Variants in KCNH7 observed in about 807,000 individuals in gnomAD.
The protein encoded by KCNH7 is potassium voltage-gated channel subfamily H member 7.
KCNH7 carries 49 observed loss-of-function variants against 120.8 expected under a neutral mutation model. That is an observed-to-expected ratio of 0.41 (90% CI 0.32 to 0.51). The LOEUF (loss-of-function observed/expected upper bound fraction) is 0.51, where lower values mean the gene tolerates loss of function less well. Among genes scored for constraint, KCNH7 ranks in the 20% least tolerant of loss-of-function variants. The pLI, the probability that KCNH7 is intolerant of heterozygous loss-of-function variation, is 0.38. For missense variants in KCNH7, 1,097 were observed against 1,446.6 expected, an observed-to-expected ratio of 0.76 and a Z score of 3.92; for synonymous variants, 547 against 516.1, an observed-to-expected ratio of 1.06 and a Z score of -0.81.
intron 6 of KCNH7, among the ~76,000 whole-genome samples, chr2:162,466,911 C>T (rs1407588652): frequency 6.6e-6 from 1 of 152,166 alleles, no homozygotes; most frequent in Non-Finnish European, 1.5e-5. Context: ...GAAAGACTCA[C>T]TTAAAAATGA....
Position 162,838,546 on chromosome 2 carries a change from C to T in KCNH7, c.-28G>A, listed in dbSNP as rs1198937109. 1 of 1,587,788 alleles carries T rather than the reference C, an allele frequency of 6.3e-7. No homozygotes were observed. On this transcript the variant is annotated 5_prime_UTR_variant, in exon 1 of 16. Transcript: ENST00000332142. Reference sequence around the variant, plus strand: ...TGGCCCCGGTCTTCCGAGGAGCGCTCCCCCGGAGCTCTGGAGTTCTCCCGG... The same window carrying T: ...TGGCCCCGGTCTTCCGAGGAGCGCTTCCCCGGAGCTCTGGAGTTCTCCCGG...
rs767561720 is a variant in KCNH7, at chr2:162,517,824, G to A, written c.798C>T (p.Ser266=). 1 of 1,612,278 alleles carries A rather than the reference G, an allele frequency of 6.2e-7. No homozygotes were observed. The highest frequency in any genetic ancestry group is 8.5e-7 in the Non-Finnish European group (1 of 1,178,844). The change falls in exon 4 of 16, where the codon AGC becomes AGT. Residue 266 remains serine, a synonymous_variant. Transcript: ENST00000332142. ...SQLSHSRSRE[S]LCSIRRASSV... ...AAGATGCTCTCCGTATACTACATAA[G>A]CTTTCCCTTGATCTGGAATGGGACA...
chr2:162,397,566 C>G (rs538575092), intron 10 of KCNH7, among the ~76,000 whole-genome samples: 9 of 151,900 alleles, frequency 5.9e-5, no homozygotes, highest in African/African-American at 2.2e-4. Context: ...GTCCTTCTTG[C>G]TCTTCTGTAA....
At chr2:162,778,816 G>A (rs1484406997) in intron 2 of KCNH7, among the ~76,000 whole-genome samples, 1 of 152,062 alleles carries the variant, frequency 6.6e-6, no homozygotes, top group African/African-American at 2.4e-5. Flanking sequence ...TCACTGCATA[G>A]CATGATATTC....
chr2:162,619,657 T>C (rs921531470), intron 2 of KCNH7, among the ~76,000 whole-genome samples: 1 of 152,082 alleles, frequency 6.6e-6, no homozygotes, highest in Non-Finnish European at 1.5e-5. Context: ...TATATATCTA[T>C]CAATGGTGAA....
intron 2 of KCNH7, chr2:162,797,426 A>G (rs1684184523): frequency 6.6e-6 from 1 of 152,118 alleles, no homozygotes; most frequent in East Asian, 1.9e-4. Flanking sequence ...CATAGGAATG[A>G]AAAATTCACA....
chr2:162,793,944 C>A (rs1456668669), intron 2 of KCNH7, among the ~76,000 whole-genome samples: 1 of 151,554 alleles, frequency 6.6e-6, no homozygotes, highest in East Asian at 1.9e-4. Context: ...AATGTTCTCA[C>A]CACAAAAAAA....
intron 2 of KCNH7, among the ~76,000 whole-genome samples, chr2:162,753,618 G>A (rs1688687334): frequency 6.6e-6 from 1 of 151,896 alleles, no homozygotes. Flanking sequence ...ATGTTAGTTG[G>A]AGTCAGTTCT....
chr2:162,459,477 G>C (rs150870576), intron 6 of KCNH7, among the ~76,000 whole-genome samples: 10 of 152,280 alleles, frequency 6.6e-5, no homozygotes, highest in Non-Finnish European at 1.2e-4. Context: ...TTTGCAATCA[G>C]GTATGGCCAT....
chr2:162,665,065 G>A (rs1261458712), intron 2 of KCNH7, among the ~76,000 whole-genome samples: 1 of 152,002 alleles, frequency 6.6e-6, no homozygotes, highest in Non-Finnish European at 1.5e-5. Flanking sequence ...AACTTTGAAA[G>A]TGTACTTCTA....
At chr2:162,831,532 G>C (rs1342449478) in intron 2 of KCNH7, among the ~76,000 whole-genome samples, 1 of 152,208 alleles carries the variant, frequency 6.6e-6, no homozygotes, top group Non-Finnish European at 1.5e-5. Flanking sequence ...ATAGATCCCA[G>C]ATGAATGGTG....
intron 2 of KCNH7, among the ~76,000 whole-genome samples, chr2:162,693,638 G>C (rs73974042): frequency 0.014 from 2,186 of 152,312 alleles, 40 homozygotes; most frequent in East Asian, 0.076. Flanking sequence ...CTGATGGCTG[G>C]ATGTCTCAGG....
intron 2 of KCNH7, among the ~76,000 whole-genome samples, chr2:162,721,824 A>G (rs1687332873): frequency 6.6e-6 from 1 of 152,120 alleles, no homozygotes; most frequent in Non-Finnish European, 1.5e-5. Flanking sequence ...ATCTTTATTT[A>G]AAAAAGAAAA....
intron 2 of KCNH7, among the ~76,000 whole-genome samples, chr2:162,806,656 T>A (rs1377455731): frequency 6.6e-6 from 1 of 152,168 alleles, no homozygotes; most frequent in African/African-American, 2.4e-5. Flanking sequence ...GGAATATTAG[T>A]AGTCTCAGAC....
chr2:162,523,837 G>A (rs530159614), intron 3 of KCNH7, among the ~76,000 whole-genome samples: 2 of 151,904 alleles, frequency 1.3e-5, no homozygotes, highest in South Asian at 4.2e-4. Flanking sequence ...CCTTGATTAT[G>A]TCATATTTTT....
intron 2 of KCNH7, among the ~76,000 whole-genome samples, chr2:162,596,677 A>C (rs1694391772): frequency 6.6e-6 from 1 of 152,100 alleles, no homozygotes; most frequent in African/African-American, 2.4e-5. Flanking sequence ...CCAAAAACAC[A>C]GACAACAAAA....
chr2:162,446,835 AGTT>A (rs1688598125), intron 6 of KCNH7, among the ~76,000 whole-genome samples: 1 of 152,084 alleles, frequency 6.6e-6, no homozygotes, highest in South Asian at 2.1e-4. Context: ...GGAAAGGATT[AGTT>A]GTTATGAATA....
chr2:162,404,996 T>G (rs548927024), intron 9 of KCNH7, among the ~76,000 whole-genome samples: 27 of 152,152 alleles, frequency 1.8e-4, no homozygotes, highest in African/African-American at 6.3e-4. Context: ...ATAATACTAA[T>G]GATTGTTCAA....
chr2:162,690,694 A>G (rs1433363271), intron 2 of KCNH7, among the ~76,000 whole-genome samples: 1 of 150,874 alleles, frequency 6.6e-6, no homozygotes, highest in Non-Finnish European at 1.5e-5. Context: ...TTTTCTTTAT[A>G]CAACCCAACA....
Sources: gnomAD v4.1 joint callset for allele counts (sites outside exome capture counted in the v4.1 genomes callset) on GRCh38, gnomAD v4.1.1 for gene constraint, MANE v1.5 for transcripts, NCBI Gene and HGNC (gene_info 2026-07-23, HGNC 2026-07-21) for gene names.